SNX6: variants seen among roughly 807,000 people sequenced by gnomAD.
SNX6 encodes the protein sorting nexin-6.
In SNX6, 34 loss-of-function variants were observed where a neutral mutation model predicts 63.0. That is an observed-to-expected ratio of 0.54 (90% CI 0.41 to 0.72). The LOEUF (loss-of-function observed/expected upper bound fraction) is 0.72. Ranked by LOEUF, SNX6 falls within the 30% of genes least tolerant of loss-of-function variation. The pLI, the probability that SNX6 is intolerant of heterozygous loss-of-function variation, is 0.00. For synonymous variants in SNX6, 170 were observed against 164.2 expected (o/e 1.04, Z -0.27); for missense variants, 398 against 471.4 (o/e 0.84, Z 1.44).
chr14:34,609,429 C>G (rs145216061), intron 3 of SNX6, among the ~76,000 whole-genome samples: 2 of 135,694 alleles, frequency 1.5e-5, no homozygotes, highest in African/African-American at 5.4e-5. Flanking sequence ...TGCAGTGAGC[C>G]GAGATCGTGC....
At chr14:34,623,096 C>A (rs1388194533) in intron 2 of SNX6, among the ~76,000 whole-genome samples, 1 of 152,158 alleles carries the variant, frequency 6.6e-6, no homozygotes, top group East Asian at 1.9e-4. Context: ...AGGGCAGGAA[C>A]TTTGTCTTAT....
At chr14:34,576,788 T>C (rs1341453864) in intron 10 of SNX6, among the ~76,000 whole-genome samples, 1 of 151,882 alleles carries the variant, frequency 6.6e-6, no homozygotes, top group Admixed American at 6.6e-5. Flanking sequence ...TTTACCTTCA[T>C]TAATATTTTC....
chr14:34,583,718 G>C (rs994520465), intron 9 of SNX6, among the ~76,000 whole-genome samples: 3 of 152,028 alleles, frequency 2.0e-5, no homozygotes, highest in Non-Finnish European at 2.9e-5. Flanking sequence ...ACTACTCAAA[G>C]CAAAAACAAT....
intron 10 of SNX6, among the ~76,000 whole-genome samples, chr14:34,576,114 A>G (rs1006517439): frequency 6.6e-5 from 10 of 150,792 alleles, no homozygotes; most frequent in Admixed American, 2.0e-4. Flanking sequence ...TTTAGTAGAG[A>G]CGGGGTTTCA....
chr14:34,582,130 ATTT>A (rs1289997311), intron 9 of SNX6, among the ~76,000 whole-genome samples: 5 of 115,380 alleles, frequency 4.3e-5, no homozygotes, highest in Admixed American at 9.4e-5. Flanking sequence ...CCCGGCCCTG[ATTT>A]TTTTTTTTTT....
intron 10 of SNX6, among the ~76,000 whole-genome samples, chr14:34,580,264 TGAG>T (rs1206053019): frequency 3.6e-4 from 55 of 152,242 alleles, no homozygotes; most frequent in African/African-American, 1.2e-3. Flanking sequence ...GCTGAGGAGA[TGAG>T]GAGGAGACAG....
rs762571935 is a variant in SNX6 at position 34,586,234 on chromosome 14, A to G, written c.790T>C (p.Cys264Arg). The G allele has an allele frequency of 3.2e-5, 51 of 1,592,708 alleles. No homozygotes were observed. Among genetic ancestry groups the G allele is most frequent in the Admixed American group, 1.5e-4 (9 of 59,748 alleles). The change falls in exon 9 of 14, where the codon TGC (cysteine) becomes CGC (arginine). Residue 264 changes from cysteine (C) to arginine (R), a missense_variant. Cys to Arg is a radical substitution (Grantham distance 180). Coordinates refer to ENST00000362031, the MANE Select transcript of SNX6 (RefSeq NM_152233.4). ...GTTTTAAATTAGAACACTTACTTGC[A>G]TATATCTGTAGAATCCTGAGTTCCT... is the stretch of plus-strand genomic sequence containing the variant. Reference protein sequence around the residue: ...ALGTQDSTDICKFFLKVSELF... With the variant: ...ALGTQDSTDIRKFFLKVSELF...
chr14:34,601,842 G>A (rs902043357), intron 6 of SNX6, among the ~76,000 whole-genome samples: 11 of 150,432 alleles, frequency 7.3e-5, no homozygotes, highest in African/African-American at 1.5e-4. Flanking sequence ...TGATCTGCCC[G>A]GCTTGGCCTC....
At chr14:34,602,564 C>A (rs1358394287) in intron 6 of SNX6, among the ~76,000 whole-genome samples, 2 of 145,908 alleles carry the variant, frequency 1.4e-5, no homozygotes, top group Non-Finnish European at 3.0e-5. Context: ...GCACTTCAGC[C>A]TGGACGACAG....
intron 4 of SNX6, 132 bp from the exon 5 acceptor site, chr14:34,605,849 A>C: frequency 8.9e-7 from 1 of 1,118,432 alleles, no homozygotes; most frequent in Admixed American, 3.1e-5. Context: ...GGAACACCCA[A>C]ATTCAGATTG....
intron 2 of SNX6, among the ~76,000 whole-genome samples, chr14:34,616,010 C>G (rs1883406287): frequency 6.6e-6 from 1 of 152,154 alleles, no homozygotes; most frequent in Non-Finnish European, 1.5e-5. Flanking sequence ...GGCTGGAGTG[C>G]AGTGGCGTGA....
intron 2 of SNX6, among the ~76,000 whole-genome samples, chr14:34,618,180 CACT>C (rs1464542674): frequency 1.8e-4 from 28 of 152,134 alleles, no homozygotes; most frequent in Admixed American, 1.4e-3. Flanking sequence ...CCTACAGGGC[CACT>C]ACTATGATAT....
intron 11 of SNX6, among the ~76,000 whole-genome samples, chr14:34,570,276 T>C (rs1400447334): frequency 1.3e-5 from 2 of 151,952 alleles, no homozygotes; most frequent in African/African-American, 4.8e-5. Flanking sequence ...TCCATGGTCA[T>C]GCTGGTCTTG....
At chr14:34,573,697 G>A (rs1186252956) in intron 11 of SNX6, among the ~76,000 whole-genome samples, 1 of 151,476 alleles carries the variant, frequency 6.6e-6, no homozygotes. Flanking sequence ...GGAATGCAAT[G>A]GCGCGGTCTC....
intron 7 of SNX6, among the ~76,000 whole-genome samples, chr14:34,594,470 C>T (rs2138324217): frequency 6.6e-6 from 1 of 152,248 alleles, no homozygotes; most frequent in Middle Eastern, 3.4e-3. Flanking sequence ...CCTCCTGATT[C>T]AGCATCCCAA....
At chr14:34,568,985 A>C in intron 11 of SNX6, 1 of 1,454,220 alleles carries the variant, frequency 6.9e-7, no homozygotes, top group East Asian at 2.3e-5. Flanking sequence ...TTCTCATCGT[A>C]GGGAGCAAGC....
At chr14:34,606,199 T>C (rs933674188) in intron 4 of SNX6, among the ~76,000 whole-genome samples, 3 of 149,934 alleles carry the variant, frequency 2.0e-5, no homozygotes, top group African/African-American at 7.3e-5. Flanking sequence ...ATCTAATCTT[T>C]TTTTTTTTTT....
chr14:34,597,602 A>G lies in SNX6; in HGVS notation c.560T>C (p.Phe187Ser). The G allele has an allele frequency of 6.2e-7, 1 of 1,608,490 alleles. No individual in the cohort carries two copies. The highest frequency in any genetic ancestry group is 8.5e-7 in the Non-Finnish European group (1 of 1,176,638). Residue 187 changes from phenylalanine to serine, a missense_variant, in exon 7 of 14, where the codon TTC (phenylalanine) becomes TCC (serine). Coordinates refer to ENST00000362031, the MANE Select transcript of SNX6 (RefSeq NM_152233.4). The stretch of plus-strand genomic sequence containing the variant: ...TGCTGATTTAACCATGTTTTTAAAG[A>G]AGTCTTCAAGTTTCTCTTTTTTATT... ...GKNKKEKLED[F>S]FKNMVKSADG...
At chr14:34,623,728 C>A (rs1186102455) in intron 2 of SNX6, among the ~76,000 whole-genome samples, 2 of 152,140 alleles carry the variant, frequency 1.3e-5, no homozygotes, top group South Asian at 2.1e-4. Flanking sequence ...GCCGGCACAA[C>A]TGGAAAGTGA....
Sources: allele counts gnomAD v4.1 joint callset (sites outside exome capture counted in the v4.1 genomes callset), GRCh38; gene constraint gnomAD v4.1.1; transcripts MANE v1.5; gene names NCBI Gene and HGNC (gene_info 2026-07-23, HGNC 2026-07-21).